Variants in WDR41 observed in about 807,000 individuals in gnomAD.
WDR41 encodes the protein WD repeat-containing protein 41.
Under a neutral mutation model 69.3 loss-of-function variants are expected in WDR41, and 63 were observed. That is an observed-to-expected ratio of 0.91 (90% CI 0.74 to 1.12). WDR41 has a LOEUF of 1.12. WDR41 is among the 50% of genes most tolerant of loss of function. WDR41 has a pLI of 0.00. For synonymous variants in WDR41, 185 were observed against 192.1 expected (o/e 0.96, Z 0.31); for missense variants, 543 against 534.5 (o/e 1.02, Z -0.16).
chr5:77,610,296 T>C (rs1442264037), intron 1 of WDR41, among the ~76,000 whole-genome samples: 2 of 152,070 alleles, frequency 1.3e-5, no homozygotes, highest in African/African-American at 4.8e-5. Flanking sequence ...ATTCAGGAAA[T>C]ACAGAGAACA....
chr5:77,463,311 T>G (rs780612708), intron 3 of WDR41, 85 bp from the exon 4 acceptor site: 34 of 1,290,008 alleles, frequency 2.6e-5, no homozygotes, highest in Middle Eastern at 2.2e-4. Context: ...AACTACCATA[T>G]AGAAGATACA....
rs144613626 is a variant in WDR41 at position 77,505,604 on chromosome 5, G to C, written c.43-16032C>G. Among the ~76,000 whole-genome samples the C allele has an allele frequency of 8.0e-3, 1,217 of 152,252 alleles. 20 individuals carry two copies. Among genetic ancestry groups the C allele is most frequent in the African/African-American group, 0.028 (1,160 of 41,524 alleles). On this transcript the variant is annotated intron_variant, in intron 1 of 5. Transcript: ENST00000509971. ...GACAATCCTAAGCAAAAAGAACAAA[G>C]CTGGAGGCATCATGCTACCTGACTT...
At chr5:77,474,353 G>A (rs1216082449) in intron 2 of WDR41, among the ~76,000 whole-genome samples, 1 of 152,034 alleles carries the variant, frequency 6.6e-6, no homozygotes, top group Non-Finnish European at 1.5e-5. Context: ...GAGTTACTGG[G>A]TGCAGCACAC....
intron 1 of WDR41, among the ~76,000 whole-genome samples, chr5:77,507,323 T>C (rs11959011): frequency 0.97 from 148,282 of 152,320 alleles, 72,219 homozygotes; most frequent in East Asian, 1. Context: ...AATACACTGC[T>C]CCACCCATTT....
chr5:77,594,150 C>T (rs913535881), intron 1 of WDR41, among the ~76,000 whole-genome samples: 1 of 150,910 alleles, frequency 6.6e-6, no homozygotes, highest in Non-Finnish European at 1.5e-5. Flanking sequence ...TCATTCTCAG[C>T]AAACTATCGC....
chr5:77,596,771 C>T (rs542258468), intron 1 of WDR41, among the ~76,000 whole-genome samples: 2 of 152,220 alleles, frequency 1.3e-5, no homozygotes, highest in Non-Finnish European at 1.5e-5. Context: ...TGCACCATCA[C>T]GGCAAATGTC....
At chr5:77,509,387 A>G (rs1420046431) in intron 1 of WDR41, among the ~76,000 whole-genome samples, 1 of 152,210 alleles carries the variant, frequency 6.6e-6, no homozygotes, top group African/African-American at 2.4e-5. Context: ...CAAGAGAAAC[A>G]AAAACATATA....
intron 1 of WDR41, among the ~76,000 whole-genome samples, chr5:77,580,769 C>T (rs1003829580): frequency 1.3e-5 from 2 of 151,870 alleles, no homozygotes; most frequent in Admixed American, 6.6e-5. Context: ...TCCTGGCTAA[C>T]ATCGTGAAAC....
chr5:77,571,235 G>A (rs1743727599), intron 1 of WDR41, among the ~76,000 whole-genome samples: 1 of 152,062 alleles, frequency 6.6e-6, no homozygotes, highest in Non-Finnish European at 1.5e-5. Flanking sequence ...ATGTAGCTGA[G>A]AAAACTACAG....
rs1359850772 is a variant in WDR41 at position 77,610,436 on chromosome 5, G to A, written c.42+10043C>T. Among the ~76,000 whole-genome samples, 666 of 152,096 alleles carry A rather than the reference G, an allele frequency of 4.4e-3. 2 individuals are homozygous for A. Among genetic ancestry groups the A allele is most frequent in the Middle Eastern group, 0.014 (4 of 292 alleles). ...TCGGGTTACCCACAAAGGGAAGCCC[G>A]TCAGACTAACAGCTGATCTCTCAGC... On this transcript the variant is annotated intron_variant, in intron 1 of 5. Coordinates refer to the WDR41 transcript ENST00000509971.
At chr5:77,498,104 A>T (rs1801961529) in intron 1 of WDR41, among the ~76,000 whole-genome samples, 1 of 152,284 alleles carries the variant, frequency 6.6e-6, no homozygotes, top group South Asian at 2.1e-4. Flanking sequence ...GGAAATAGGG[A>T]GTTATTATTG....
intron 1 of WDR41, among the ~76,000 whole-genome samples, chr5:77,521,648 C>T (rs1802371742): frequency 6.6e-6 from 1 of 152,316 alleles, no homozygotes; most frequent in Non-Finnish European, 1.5e-5. Flanking sequence ...GGCAAAGCCT[C>T]ACCTGACCTG....
At chr5:77,565,092 C>A (rs1246365023) in intron 1 of WDR41, among the ~76,000 whole-genome samples, 2 of 151,998 alleles carry the variant, frequency 1.3e-5, no homozygotes, top group East Asian at 1.9e-4. Flanking sequence ...ATGCAGAGCA[C>A]AATAACCTGA....
intron 1 of WDR41, chr5:77,582,790 T>A (rs1743963516): frequency 5.0e-6 from 8 of 1,600,716 alleles, no homozygotes; most frequent in Non-Finnish European, 6.8e-6. Context: ...TGTAGAGCCA[T>A]ATATAGCATG....
rs575099709 is a variant in WDR41, at chr5:77,589,507, C to T, written c.42+30972G>A. Among the ~76,000 whole-genome samples, 16 of 152,218 alleles carry T rather than the reference C, an allele frequency of 1.1e-4. 1 individual carries two copies. In the South Asian group the frequency reaches 3.1e-3, roughly 30 times the overall value. On this transcript the variant is annotated intron_variant, in intron 1 of 5. Transcript: ENST00000509971. ...GAGGAAACTATGTTGTCTTCCAAAT[C>T]TACATATGGTATGTCTTCCCATTTA... is the stretch of plus-strand genomic sequence containing the variant.
At chr5:77,456,470 G>A (rs755036032) in intron 5 of WDR41, among the ~76,000 whole-genome samples, 1 of 152,170 alleles carries the variant, frequency 6.6e-6, no homozygotes, top group Non-Finnish European at 1.5e-5. Context: ...AGCCTCAATA[G>A]TTTGGTTGTG....
At chr5:77,532,493 G>A (rs1224476488) in intron 1 of WDR41, among the ~76,000 whole-genome samples, 2 of 152,014 alleles carry the variant, frequency 1.3e-5, no homozygotes, top group Non-Finnish European at 2.9e-5. Context: ...CAAGAGTCTT[G>A]TAAAAGAATG....
upstream of WDR41, among the ~76,000 whole-genome samples, chr5:77,493,605 G>T (rs1801890213): frequency 6.6e-6 from 1 of 152,152 alleles, no homozygotes; most frequent in African/African-American, 2.4e-5. Flanking sequence ...CAAGGATCAG[G>T]AGCATGTTGC....
rs1802274852 is a variant in WDR41 at position 77,515,172 on chromosome 5, A to G, written c.43-25600T>C. ...GACTTTTAATAACACATCTTAAAAC[A>G]TATGTTTTACAACTGTACAAAAATG... On this transcript the variant is annotated intron_variant, in intron 1 of 5. Transcript: ENST00000509971. Among the ~76,000 whole-genome samples, 3 of 152,132 alleles carry G rather than the reference A, an allele frequency of 2.0e-5. No homozygotes were observed. In the South Asian group the frequency reaches 6.2e-4, roughly 31 times the overall value.
Sources: gnomAD v4.1 joint callset for allele counts (sites outside exome capture counted in the v4.1 genomes callset) on GRCh38, gnomAD v4.1.1 for gene constraint, MANE v1.5 for transcripts, NCBI Gene and HGNC (gene_info 2026-07-23, HGNC 2026-07-21) for gene names.